Variants in GLT8D2 observed in about 807,000 individuals in gnomAD.
GLT8D2 encodes glycosyltransferase 8 domain-containing protein 2.
GLT8D2 carries 45 observed loss-of-function variants against 44.5 expected under a neutral mutation model. That is an observed-to-expected ratio of 1.01 (90% CI 0.80 to 1.30). The LOEUF (loss-of-function observed/expected upper bound fraction) is 1.30. GLT8D2 is among the 50% of genes most tolerant of loss of function. The pLI is 0.00. For synonymous variants in GLT8D2, 156 were observed against 157.2 expected, an observed-to-expected ratio of 0.99 and a Z score of 0.06; for missense variants, 400 against 430.4, an observed-to-expected ratio of 0.93 and a Z score of 0.62.
chr12:103,996,706 G>A, intron 8 of GLT8D2, 29 bp downstream of exon 8: 6 of 1,486,926 alleles, frequency 4.0e-6, no homozygotes, highest in Non-Finnish European at 5.6e-6. Context: ...TAGAGTGAAG[G>A]GAGGATTTCT....
chr12:104,040,659 C>T (rs1050414350), intron 1 of GLT8D2, among the ~76,000 whole-genome samples: 3 of 151,938 alleles, frequency 2.0e-5, no homozygotes, highest in Admixed American at 6.6e-5. Flanking sequence ...CTCCTGACCT[C>T]GTGATCCACC....
At chr12:104,007,442 C>T (rs2136315679) in intron 4 of GLT8D2, among the ~76,000 whole-genome samples, 1 of 152,212 alleles carries the variant, frequency 6.6e-6, no homozygotes, top group Middle Eastern at 3.4e-3. Flanking sequence ...ATTGAATGGC[C>T]TCCTCTTTCT....
chr12:104,032,466 C>CAAAAAAAAAAAAAAAAAAAA (rs547392677), intron 1 of GLT8D2, among the ~76,000 whole-genome samples: 54 of 59,640 alleles, frequency 9.1e-4, no homozygotes, highest in Non-Finnish European at 1.3e-3. Context: ...TGTGCAATAG[C>CAAAAAAAAAAAAAAAAAAAA]AAAAAAAAAA....
chr12:103,997,611 G>A (rs1012051412), intron 6 of GLT8D2, 76 bp from the exon 7 acceptor site: 10 of 1,023,990 alleles, frequency 9.8e-6, no homozygotes, highest in South Asian at 2.6e-5. Flanking sequence ...CTGGAGAGTC[G>A]GCTTTGACCA....
In GLT8D2 at chr12:104,001,417, A is replaced by G. The variant is rs79271969; in HGVS notation, c.284+1718T>C. Among the ~76,000 whole-genome samples the G allele has an allele frequency of 7.2e-3, 1,093 of 152,376 alleles. 7 individuals are homozygous for G. Among genetic ancestry groups the G allele is most frequent in the African/African-American group, 0.025 (1,024 of 41,592 alleles). On this transcript the variant is annotated intron_variant, in intron 5 of 10. Coordinates refer to ENST00000360814, the MANE Select transcript of GLT8D2 (RefSeq NM_001384711.1). ...TGGAAGAGGAAAAGGCATGTGAATC[A>G]AATTATATATGCATACAACCTTTTG... is the stretch of plus-strand genomic sequence containing the variant.
intron 4 of GLT8D2, among the ~76,000 whole-genome samples, chr12:104,004,467 A>G (rs1277819621): frequency 1.3e-5 from 2 of 152,202 alleles, no homozygotes; most frequent in African/African-American, 4.8e-5. Context: ...ACATGATTGT[A>G]TATTTAGAAA....
Position 104,019,629 on chromosome 12 carries a change from C to T in GLT8D2, c.19+1G>A, listed in dbSNP as rs1877367338. The T allele has an allele frequency of 6.2e-7, 1 of 1,608,790 alleles. No homozygotes were observed. Among genetic ancestry groups the T allele is most frequent in the East Asian group, 2.2e-5 (1 of 44,780 alleles). ...ATTATTTTCAAAAGTTGAAATCTTACTTTTTCGTAACAGAGCCATGTGTAT... is the reference window on the plus strand; with the variant it reads ...ATTATTTTCAAAAGTTGAAATCTTATTTTTTCGTAACAGAGCCATGTGTAT... On this transcript the variant is annotated splice_donor_variant, in intron 3 of 10. Transcript: ENST00000360814. LOFTEE classifies it high-confidence loss of function.
intron 4 of GLT8D2, among the ~76,000 whole-genome samples, chr12:104,007,916 T>C (rs998807874): frequency 6.6e-6 from 1 of 152,208 alleles, no homozygotes; most frequent in African/African-American, 2.4e-5. Flanking sequence ...CATCTCTCAC[T>C]TTCTCTTGCT....
At chr12:104,041,834 A>T (rs1274282438) in intron 1 of GLT8D2, among the ~76,000 whole-genome samples, 1 of 152,220 alleles carries the variant, frequency 6.6e-6, no homozygotes, top group Non-Finnish European at 1.5e-5. Flanking sequence ...GGTAGATGTA[A>T]GCATGGGATA....
chr12:104,019,562 GC>G (rs1877356835), intron 3 of GLT8D2, 67 bp downstream of exon 3: 1 of 1,239,036 alleles, frequency 8.1e-7, no homozygotes, highest in Non-Finnish European at 1.2e-6. Context: ...AAAGAGCCAA[GC>G]CCCAGCCTCA....
At chr12:104,051,204 G>C (rs1053073021), upstream of GLT8D2, among the ~76,000 whole-genome samples, 9 of 151,496 alleles carry the variant, frequency 5.9e-5, no homozygotes, top group African/African-American at 2.2e-4. Flanking sequence ...CACTGCAGCC[G>C]TGAACTTCAA....
intron 7 of GLT8D2, 64 bp downstream of exon 7, chr12:103,997,387 G>T: frequency 8.9e-7 from 1 of 1,127,098 alleles, no homozygotes; most frequent in South Asian, 1.3e-5. Flanking sequence ...AAAATGAAGA[G>T]AGACAGTTAT....
At chr12:104,010,872 G>C (rs761166128) in intron 4 of GLT8D2, among the ~76,000 whole-genome samples, 20 of 152,198 alleles carry the variant, frequency 1.3e-4, no homozygotes, top group Non-Finnish European at 2.8e-4. Context: ...GAATAAGAGG[G>C]AAGGGTAAAA....
At chr12:104,045,891 A>AAAGAAAGAAAG (rs1566213165) in intron 1 of GLT8D2, among the ~76,000 whole-genome samples, 1 of 49,608 alleles carries the variant, frequency 2.0e-5, no homozygotes, top group African/African-American at 8.2e-5. Flanking sequence ...GAAAAGAAAG[A>AAAGAAAGAAAG]TAAGAAAGAA....
At chr12:103,995,729 G>T (rs1162016676) in intron 8 of GLT8D2, among the ~76,000 whole-genome samples, 1 of 152,130 alleles carries the variant, frequency 6.6e-6, no homozygotes, top group Non-Finnish European at 1.5e-5. Context: ...TGTTGTACAG[G>T]GCAGGACATA....
intron 1 of GLT8D2, among the ~76,000 whole-genome samples, chr12:104,062,848 T>C (rs998508293): frequency 9.2e-5 from 14 of 152,142 alleles, no homozygotes; most frequent in Non-Finnish European, 1.5e-4. Context: ...GTTGATATCA[T>C]ATAGACCAGG....
intron 1 of GLT8D2, among the ~76,000 whole-genome samples, chr12:104,040,433 T>A (rs553524285): frequency 7.6e-4 from 116 of 152,328 alleles, no homozygotes; most frequent in African/African-American, 2.7e-3. Flanking sequence ...AAAAAATGTT[T>A]TTTTTCTTTT....
intron 5 of GLT8D2, among the ~76,000 whole-genome samples, chr12:103,999,753 T>C (rs887410751): frequency 2.6e-5 from 4 of 152,154 alleles, no homozygotes; most frequent in African/African-American, 4.8e-5. Context: ...AAAATAGTAA[T>C]AACCAAATCT....
At chr12:104,030,645 A>G (rs909100656) in intron 1 of GLT8D2, 2 of 1,353,206 alleles carry the variant, frequency 1.5e-6, no homozygotes, top group Non-Finnish European at 2.0e-6. Context: ...ATACCTGATA[A>G]GAAGTTAATA....
Sources: gnomAD v4.1 joint callset for allele counts (sites outside exome capture counted in the v4.1 genomes callset) on GRCh38, gnomAD v4.1.1 for gene constraint, MANE v1.5 for transcripts, NCBI Gene and HGNC (gene_info 2026-07-23, HGNC 2026-07-21) for gene names.